Variants in SMOC2 observed in about 807,000 individuals in gnomAD.
SMOC2 encodes the protein SPARC related modular calcium binding 2.
Under a neutral mutation model 61.4 loss-of-function variants are expected in SMOC2, and 39 were observed. That is an observed-to-expected ratio of 0.64 (90% confidence interval 0.49 to 0.83). SMOC2 has a LOEUF of 0.83. Among genes scored for constraint, SMOC2 ranks in the 40% least tolerant of loss-of-function variants. The pLI is 0.00. For synonymous variants in SMOC2, 247 were observed against 239.9 expected (o/e 1.03, Z -0.27); for missense variants, 556 against 592.9 (o/e 0.94, Z 0.65).
intron 7 of SMOC2, among the ~76,000 whole-genome samples, chr6:168,569,250 A>G (rs571133490): frequency 2.6e-5 from 4 of 152,228 alleles, no homozygotes; most frequent in African/African-American, 7.2e-5. Flanking sequence ...GTGTCTCATT[A>G]TTGTTTTAAT....
chr6:168,560,572 A>G (rs13215061), intron 7 of SMOC2, among the ~76,000 whole-genome samples: 30,257 of 54,516 alleles, frequency 0.56, 8,337 homozygotes, highest in East Asian at 0.74. Context: ...CTCTCACTGC[A>G]TTCTTGGAGG....
intron 9 of SMOC2, among the ~76,000 whole-genome samples, chr6:168,614,147 G>A (rs1448364648): frequency 1.6e-5 from 1 of 64,388 alleles, no homozygotes; most frequent in African/African-American, 6.6e-5. Context: ...AGCACAGGGG[G>A]CCTCTTCACA....
chr6:168,519,076 TATGC>T (rs1256007431), intron 2 of SMOC2, among the ~76,000 whole-genome samples: 1 of 151,758 alleles, frequency 6.6e-6, no homozygotes, highest in African/African-American at 2.4e-5. Flanking sequence ...TGAGTGTATG[TATGC>T]GTGCATGTGT....
intron 6 of SMOC2, 98 bp from the exon 7 acceptor site, chr6:168,549,031 T>A (rs1323799428): frequency 1.1e-6 from 1 of 872,632 alleles, no homozygotes; most frequent in Non-Finnish European, 2.0e-6. Context: ...TATGTTGATT[T>A]ATTTTGGCTG....
At chr6:168,609,949 G>C (rs1310566639) in intron 9 of SMOC2, among the ~76,000 whole-genome samples, 1 of 152,354 alleles carries the variant, frequency 6.6e-6, no homozygotes, top group East Asian at 1.9e-4. Flanking sequence ...CGTGACAGAG[G>C]CTGGCTTCTG....
At chr6:168,467,543 C>T (rs553712950) in intron 1 of SMOC2, among the ~76,000 whole-genome samples, 2 of 152,172 alleles carry the variant, frequency 1.3e-5, no homozygotes, top group East Asian at 1.9e-4. Context: ...CTCCTGACCT[C>T]GTGATCCACC....
intron 1 of SMOC2, among the ~76,000 whole-genome samples, chr6:168,441,871 G>A (rs1163266385): frequency 1.3e-5 from 2 of 152,116 alleles, no homozygotes; most frequent in African/African-American, 4.8e-5. Context: ...GTCTGGGAGC[G>A]CCGGCGCCGC....
chr6:168,547,221 C>T (rs752033881), intron 6 of SMOC2, 52 bp downstream of exon 6: 73 of 1,513,554 alleles, frequency 4.8e-5, no homozygotes, highest in African/African-American at 3.4e-4. Context: ...GTGCGAGGGA[C>T]GGTATGGAGC....
chr6:168,442,391 C>T (rs113614836), intron 1 of SMOC2, among the ~76,000 whole-genome samples: 6,956 of 152,366 alleles, frequency 0.046, 211 homozygotes, highest in Non-Finnish European at 0.067. Flanking sequence ...CCGGCCAAGC[C>T]AACCCGCGGC....
At chr6:168,500,262 G>A (rs1394209463) in intron 1 of SMOC2, among the ~76,000 whole-genome samples, 1 of 141,848 alleles carries the variant, frequency 7.0e-6, no homozygotes, top group South Asian at 2.3e-4. Context: ...ACTCCAGCCC[G>A]GATGACAGAG....
intron 1 of SMOC2, among the ~76,000 whole-genome samples, chr6:168,447,927 G>T (rs181466293): frequency 6.6e-6 from 1 of 152,120 alleles, no homozygotes; most frequent in East Asian, 1.9e-4. Context: ...CAGTGAAGGC[G>T]CTAGAATCAA....
chr6:168,526,216 AAGCCCTTTCC>A, intron 2 of SMOC2, 120 bp from the exon 3 acceptor site: 1 of 741,378 alleles, frequency 1.3e-6, no homozygotes, highest in Non-Finnish European at 2.3e-6. Context: ...GCTGCCTGTG[AAGCCCTTTCC>A]AGCCTCCAGG....
At chr6:168,491,308 T>A (rs555068025) in intron 1 of SMOC2, among the ~76,000 whole-genome samples, 5 of 152,324 alleles carry the variant, frequency 3.3e-5, no homozygotes, top group African/African-American at 1.2e-4. Context: ...AAGTTAACTC[T>A]CACAGGTGAA....
intron 8 of SMOC2, 144 bp downstream of exon 8, chr6:168,599,148 CAT>C (rs1486160802): frequency 4.5e-5 from 33 of 738,206 alleles, no homozygotes; most frequent in Non-Finnish European, 5.9e-5. Context: ...ATACCACACA[CAT>C]ACCCACACAC....
chr6:168,608,947 A>T (rs979050152), intron 9 of SMOC2, among the ~76,000 whole-genome samples: 1 of 152,214 alleles, frequency 6.6e-6, no homozygotes, highest in Non-Finnish European at 1.5e-5. Flanking sequence ...CTTGTCTCAT[A>T]CAGAAACTGG....
chr6:168,541,492 G>T (rs1193908364), intron 4 of SMOC2, among the ~76,000 whole-genome samples: 2 of 152,206 alleles, frequency 1.3e-5, no homozygotes, highest in African/African-American at 2.4e-5. Context: ...CATCAGAGTT[G>T]CTTTCTTGGG....
rs752376254 is a variant in SMOC2 at position 168,653,204 on chromosome 6, A to C, written c.1261A>C (p.Lys421Gln). 20 of 1,613,602 alleles carry C rather than the reference A, an allele frequency of 1.2e-5. No individual in the cohort carries two copies. In the Admixed American group the frequency reaches 3.3e-4, roughly 27 times the overall value. Residue 421 changes from lysine (K) to glutamine (Q), a missense_variant, in exon 11 of 13, where the codon AAA (lysine) becomes CAA (glutamine). Lys to Gln is a moderately conservative substitution (Grantham distance 53). Transcript: ENST00000356284. ...CCTGGGCGTGGCGAAAGAGGACGGC[A>C]AAGCGGACACCAAGAAACGCCACAG... ...GCLGVAKEDG[K>Q]ADTKKRHTPR...
At chr6:168,624,066 G>A (rs1161218558) in intron 9 of SMOC2, among the ~76,000 whole-genome samples, 5 of 152,228 alleles carry the variant, frequency 3.3e-5, no homozygotes, top group Admixed American at 6.5e-5. Context: ...CCACAGGGCC[G>A]TTCTTAGGAC....
chr6:168,571,508 G>A (rs1374733478), intron 7 of SMOC2, among the ~76,000 whole-genome samples: 2 of 152,170 alleles, frequency 1.3e-5, no homozygotes, highest in South Asian at 2.1e-4. Flanking sequence ...CGGTGTGGTC[G>A]CGTTTGTGAG....
Sources: gnomAD v4.1 joint callset for allele counts (sites outside exome capture counted in the v4.1 genomes callset) on GRCh38, gnomAD v4.1.1 for gene constraint, MANE v1.5 for transcripts, NCBI Gene and HGNC (gene_info 2026-07-23, HGNC 2026-07-21) for gene names.